The following PKP4 variants were observed in gnomAD, a reference collection of about 807,000 sequenced individuals.
The protein encoded by PKP4 is plakophilin 4, also known as plakophilin-4.
A neutral mutation model predicts 145.1 loss-of-function variants in PKP4; 90 were observed. The ratio of observed to expected loss-of-function variants is 0.62; its 90% CI spans 0.52 to 0.74. The LOEUF is 0.74. PKP4 is among the 30% of genes least tolerant of loss of function. The pLI, the probability that PKP4 is intolerant of heterozygous loss-of-function variation, is 0.00. For synonymous variants in PKP4, 563 were observed against 577.2 expected, an observed-to-expected ratio of 0.98 and a Z score of 0.35; for missense variants, 1,340 against 1,482.7, an observed-to-expected ratio of 0.90 and a Z score of 1.58.
chr2:158,669,210 A>G (rs2057361905), intron 16 of PKP4: 1 of 152,276 alleles, frequency 6.6e-6, no homozygotes, highest in South Asian at 2.1e-4. Context: ...TCTATACACA[A>G]AAATGTGTAA....
chr2:158,477,704 G>C (rs1190375664), intron 1 of PKP4, among the ~76,000 whole-genome samples: 1 of 152,180 alleles, frequency 6.6e-6, no homozygotes, highest in Non-Finnish European at 1.5e-5. Flanking sequence ...TTAAATTGGG[G>C]CATGATGGCA....
At chr2:158,518,444 G>C (rs2042101564) in intron 1 of PKP4, among the ~76,000 whole-genome samples, 1 of 152,182 alleles carries the variant, frequency 6.6e-6, no homozygotes, top group African/African-American at 2.4e-5. Context: ...CTGCAATTTT[G>C]AGAGCAGCAA....
chr2:158,617,947 C>G (rs146284461), intron 4 of PKP4, among the ~76,000 whole-genome samples: 246 of 152,286 alleles, frequency 1.6e-3, no homozygotes, highest in African/African-American at 5.7e-3. Context: ...CTTTGGGAGG[C>G]CAAGATGGGC....
chr2:158,586,593 T>A (rs1159217025), intron 3 of PKP4, among the ~76,000 whole-genome samples: 3 of 152,244 alleles, frequency 2.0e-5, no homozygotes, highest in South Asian at 2.1e-4. Context: ...TGAATATTTA[T>A]TAAATTGATG....
In PKP4 at chr2:158,577,254, A is replaced by G. The variant is rs780272266; in HGVS notation, c.133-17A>G. On this transcript the variant is annotated splice_polypyrimidine_tract_variant and intron_variant, in intron 2 of 21. Coordinates refer to ENST00000389759, the MANE Select transcript of PKP4 (RefSeq NM_003628.6). ...TACCTTGGCGCCTTATATGCCTTTT[A>G]TTTTCTTGAATCACAGGAGCTTCAG... is the stretch of plus-strand genomic sequence containing the variant. The G allele has an allele frequency of 6.3e-7, 1 of 1,582,824 alleles. No homozygotes were observed. Among genetic ancestry groups the G allele is most frequent in the Non-Finnish European group, 8.7e-7 (1 of 1,155,188 alleles).
In PKP4 at chr2:158,621,279, A is replaced by C; in HGVS notation, c.461A>C (p.Asp154Ala). The change falls in exon 6 of 22, where the codon GAC becomes GCC. Residue 154 changes from aspartate to alanine, a missense_variant. Physicochemically the swap from Asp to Ala is moderately radical, Grantham distance 126 (BLOSUM62 -2). Transcript: ENST00000389759. ...TCAACACAAATGAATTCTTATTCCG[A>C]CAGTGGATACCAGGAAGCAGGGAGT... ...RSSTQMNSYSDSGYQEAGSFH... is the reference protein window; with the variant it reads ...RSSTQMNSYSASGYQEAGSFH... 6.2e-7 allele frequency: 1 copy of C among 1,614,228 alleles called. No individual in the cohort carries two copies. Among genetic ancestry groups the C allele is most frequent in the South Asian group, 1.1e-5 (1 of 91,086 alleles).
chr2:158,594,368 T>C (rs1220730216), intron 3 of PKP4, among the ~76,000 whole-genome samples: 2 of 152,240 alleles, frequency 1.3e-5, no homozygotes, highest in African/African-American at 4.8e-5. Context: ...TCATTTGTTA[T>C]GCCTTGCTTA....
intron 1 of PKP4, among the ~76,000 whole-genome samples, chr2:158,483,824 A>G (rs918010544): frequency 1.3e-5 from 2 of 152,202 alleles, no homozygotes; most frequent in Admixed American, 1.3e-4. Flanking sequence ...GGAGATTAAC[A>G]GATAATTAAC....
At chr2:158,506,402 CAGTTAGACGATCACCA>C (rs1296157040) in intron 1 of PKP4, among the ~76,000 whole-genome samples, 5 of 152,162 alleles carry the variant, frequency 3.3e-5, no homozygotes, top group African/African-American at 9.7e-5. Flanking sequence ...GCAGACAGCT[CAGTTAGACGATCACCA>C]AGGTCCTTCT....
chr2:158,609,542 T>C (rs368693280), intron 4 of PKP4, among the ~76,000 whole-genome samples: 76 of 152,324 alleles, frequency 5.0e-4, no homozygotes, highest in African/African-American at 1.7e-3. Context: ...TTTTACAAAT[T>C]TGACTTGAAA....
chr2:158,501,500 C>G (rs1346498156), intron 1 of PKP4, among the ~76,000 whole-genome samples: 2 of 152,248 alleles, frequency 1.3e-5, no homozygotes, highest in Admixed American at 6.5e-5. Context: ...AGCCTCCCTA[C>G]CTGAGTTTCT....
At chr2:158,478,386 C>A (rs965471538) in intron 1 of PKP4, among the ~76,000 whole-genome samples, 1 of 151,864 alleles carries the variant, frequency 6.6e-6, no homozygotes, top group Non-Finnish European at 1.5e-5. Context: ...ATCCTTTAGA[C>A]TATGCCGATA....
chr2:158,579,464 T>C (rs1356157831), intron 3 of PKP4, among the ~76,000 whole-genome samples: 10 of 151,128 alleles, frequency 6.6e-5, no homozygotes, highest in Non-Finnish European at 1.0e-4. Context: ...AAAAAAGCAT[T>C]GAATTACATA....
chr2:158,638,358 C>T (rs2053989360), intron 9 of PKP4, among the ~76,000 whole-genome samples: 1 of 152,172 alleles, frequency 6.6e-6, no homozygotes, highest in South Asian at 2.1e-4. Context: ...ATATTAGTTT[C>T]ATTGATCTTG....
chr2:158,676,641 T>C (rs548577549), intron 19 of PKP4, 98 bp from the exon 20 acceptor site: 1 of 1,396,900 alleles, frequency 7.2e-7, no homozygotes, highest in South Asian at 1.2e-5. Flanking sequence ...TCATTTCTAG[T>C]TACTGAGCTT....
At chr2:158,491,223 T>A (rs1473578979) in intron 1 of PKP4, among the ~76,000 whole-genome samples, 19 of 152,024 alleles carry the variant, frequency 1.2e-4, no homozygotes, top group Non-Finnish European at 1.9e-4. Context: ...TAAAAAGGGG[T>A]GCGTGATCCC....
At chr2:158,619,946 C>G (rs1005524420) in intron 4 of PKP4, among the ~76,000 whole-genome samples, 1 of 46,588 alleles carries the variant, frequency 2.1e-5, no homozygotes, top group Admixed American at 3.6e-4. Context: ...CACACACACG[C>G]ACACACACAC....
At chr2:158,605,438 A>T (rs1419203533) in intron 4 of PKP4, among the ~76,000 whole-genome samples, 1 of 152,212 alleles carries the variant, frequency 6.6e-6, no homozygotes, top group Non-Finnish European at 1.5e-5. Context: ...AAGTGACAAG[A>T]ACTATTTTTG....
At chr2:158,677,389 C>A in intron 20 of PKP4, 1 of 196,056 alleles carries the variant, frequency 5.1e-6, no homozygotes, top group Middle Eastern at 2.3e-3. Flanking sequence ...TTAAGAATAA[C>A]AAAAATAATG....
Sources: gnomAD v4.1 joint callset for allele counts (sites outside exome capture counted in the v4.1 genomes callset) on GRCh38, gnomAD v4.1.1 for gene constraint, MANE v1.5 for transcripts, NCBI Gene and HGNC (gene_info 2026-07-23, HGNC 2026-07-21) for gene names.